The following RANBP2 variants were observed in gnomAD, a reference collection of about 807,000 sequenced individuals.
RANBP2 encodes the protein E3 SUMO-protein ligase RanBP2.
In RANBP2, 57 loss-of-function variants were observed where a neutral mutation model predicts 303.6. The observed-to-expected ratio is 0.19, with a 90% CI of 0.15 to 0.23. The LOEUF (loss-of-function observed/expected upper bound fraction) is 0.23, where lower values mean the gene tolerates loss of function less well. Ranked by LOEUF, RANBP2 falls within the 10% of genes least tolerant of loss-of-function variation. The pLI, the probability that RANBP2 is intolerant of heterozygous loss-of-function variation, is 1.00. For synonymous variants in RANBP2, 1,167 were observed against 1,301.5 expected (o/e 0.90, Z 2.23); for missense variants, 3,138 against 3,780.8 (o/e 0.83, Z 4.46).
rs116035998 is a variant in RANBP2 at position 108,732,970 on chromosome 2, C to T, written c.405+1496C>T. ...TTCCGGGTAGCTGGGACTACAGGCA[C>T]GTGTTACCATGTCCCGCTTATTTTT... On this transcript the variant is annotated intron_variant, in intron 4 of 28. Coordinates refer to ENST00000283195, the MANE Select transcript of RANBP2 (RefSeq NM_006267.5). Among the ~76,000 whole-genome samples, 1,136 of 152,210 alleles carry T rather than the reference C, an allele frequency of 7.5e-3. 10 individuals are homozygous for T. The highest frequency in any genetic ancestry group is 9.2e-3 in the Non-Finnish European group (623 of 68,018).
At chr2:109,388,738 C>T in the RANBP2 span, among the ~76,000 whole-genome samples, 5 of 152,318 alleles carry the variant, frequency 3.3e-5, no homozygotes, top group East Asian at 9.6e-4. Context: ...ATGAAGTAGG[C>T]TCTAATCCTC....
At chr2:109,019,600 G>A in the RANBP2 span, among the ~76,000 whole-genome samples, 5 of 152,134 alleles carry the variant, frequency 3.3e-5, no homozygotes, top group East Asian at 5.8e-4. Flanking sequence ...GATCTTAAGC[G>A]ACCGCTTAAG....
the RANBP2 span, among the ~76,000 whole-genome samples, chr2:109,354,516 A>G: frequency 1.3e-5 from 2 of 152,204 alleles, no homozygotes; most frequent in African/African-American, 4.8e-5. Flanking sequence ...GGAGAGGGAA[A>G]TCTTAGGCAC....
At chr2:109,181,076 C>A in the RANBP2 span, among the ~76,000 whole-genome samples, 6 of 152,322 alleles carry the variant, frequency 3.9e-5, no homozygotes, top group Non-Finnish European at 8.8e-5. Flanking sequence ...CTCACAGACC[C>A]TCCGTCAGCA....
chr2:108,845,539 T>G, the RANBP2 span, among the ~76,000 whole-genome samples: 1 of 151,582 alleles, frequency 6.6e-6, no homozygotes, highest in East Asian at 1.9e-4. Context: ...CATTCTGATC[T>G]GCAACAGTTT....
At chr2:109,046,568 G>A in the RANBP2 span, among the ~76,000 whole-genome samples, 8 of 151,532 alleles carry the variant, frequency 5.3e-5, no homozygotes, top group South Asian at 1.0e-3. Flanking sequence ...CACCACACCC[G>A]GCTAAATTTG....
chr2:109,078,939 C>G, the RANBP2 span, among the ~76,000 whole-genome samples: 1 of 151,824 alleles, frequency 6.6e-6, no homozygotes, highest in East Asian at 1.9e-4. Context: ...TGCAGTGAGC[C>G]GAGATCGCAC....
the RANBP2 span, among the ~76,000 whole-genome samples, chr2:109,723,326 T>C: frequency 1.1e-3 from 169 of 152,196 alleles, 1 homozygote; most frequent in Non-Finnish European, 7.4e-4. Flanking sequence ...AATTTTTGTG[T>C]TTTTAGTAGA....
chr2:109,760,709 A>G, the RANBP2 span, among the ~76,000 whole-genome samples: 1 of 144,988 alleles, frequency 6.9e-6, no homozygotes, highest in Admixed American at 7.0e-5. Context: ...CGACGCTGAC[A>G]CCTCCCACCA....
the RANBP2 span, among the ~76,000 whole-genome samples, chr2:108,890,584 CTCTTTTTAGGA>C: frequency 2.6e-5 from 4 of 152,210 alleles, no homozygotes; most frequent in East Asian, 7.7e-4. Flanking sequence ...TTTTCTCTTG[CTCTTTTTAGGA>C]TTCACCCTTT....
the RANBP2 span, among the ~76,000 whole-genome samples, chr2:109,172,934 G>A: frequency 2.0e-5 from 3 of 152,246 alleles, no homozygotes; most frequent in Non-Finnish European, 4.4e-5. Context: ...TATAACTGTT[G>A]TGTGACTGGT....
the RANBP2 span, among the ~76,000 whole-genome samples, chr2:109,732,580 G>A: frequency 0.13 from 18,965 of 151,184 alleles, 1,953 homozygotes; most frequent in African/African-American, 0.28. Flanking sequence ...CCAGGTTCAA[G>A]TGACTCCTGC....
chr2:108,858,120 G>A, the RANBP2 span, among the ~76,000 whole-genome samples: 12 of 152,212 alleles, frequency 7.9e-5, no homozygotes, highest in Non-Finnish European at 1.6e-4. Flanking sequence ...GAGGCGGGCA[G>A]ATCACTGGAG....
At chr2:108,910,897 A>G in the RANBP2 span, 13 of 1,613,650 alleles carry the variant, frequency 8.1e-6, no homozygotes, top group Admixed American at 1.7e-5. Context: ...CGACAGGGGG[A>G]GTTGACGGAG....
the RANBP2 span, among the ~76,000 whole-genome samples, chr2:109,601,765 T>TAAA: frequency 3.5e-5 from 5 of 143,786 alleles, no homozygotes; most frequent in African/African-American, 1.3e-4. Flanking sequence ...ACCCTGAAGT[T>TAAA]AAAAAAAAAA....
At chr2:109,403,895 C>T in the RANBP2 span, among the ~76,000 whole-genome samples, 1 of 152,214 alleles carries the variant, frequency 6.6e-6, no homozygotes, top group African/African-American at 2.4e-5. Flanking sequence ...CCACCATGGC[C>T]ACTGTGAGGG....
chr2:108,987,765 C>T, the RANBP2 span, among the ~76,000 whole-genome samples: 2 of 152,324 alleles, frequency 1.3e-5, no homozygotes, highest in African/African-American at 4.8e-5. Flanking sequence ...GTGAAGGGTA[C>T]ACGTGGACTG....
chr2:109,558,385 T>C, the RANBP2 span, among the ~76,000 whole-genome samples: 7 of 152,298 alleles, frequency 4.6e-5, no homozygotes, highest in South Asian at 1.0e-3. Context: ...CTACTAAGCA[T>C]ACATCTTCCT....
chr2:108,824,530 T>C, the RANBP2 span, among the ~76,000 whole-genome samples: 1 of 152,332 alleles, frequency 6.6e-6, no homozygotes, highest in East Asian at 1.9e-4. Flanking sequence ...TATCAGCTCC[T>C]ATGATAACAA....
Sources: gnomAD v4.1 joint callset for allele counts (sites outside exome capture counted in the v4.1 genomes callset) on GRCh38, gnomAD v4.1.1 for gene constraint, MANE v1.5 for transcripts, NCBI Gene and HGNC (gene_info 2026-07-23, HGNC 2026-07-21) for gene names.